The following GPR161 variants were observed in gnomAD, a reference collection of about 807,000 sequenced individuals.
GPR161 encodes the protein G protein-coupled receptor 161.
A neutral mutation model predicts 39.2 loss-of-function variants in GPR161; 25 were observed. The observed-to-expected ratio is 0.64, with a 90% CI of 0.47 to 0.89. GPR161 has a LOEUF of 0.89. Ranked by LOEUF, GPR161 falls within the 40% of genes least tolerant of loss-of-function variation. The pLI is 0.00. For synonymous variants in GPR161, 286 were observed against 276.6 expected, an observed-to-expected ratio of 1.03 and a Z score of -0.34; for missense variants, 547 against 677.8, an observed-to-expected ratio of 0.81 and a Z score of 2.14.
intron 1 of GPR161, among the ~76,000 whole-genome samples, chr1:168,128,194 T>C (rs976224027): frequency 2.6e-5 from 4 of 152,208 alleles, no homozygotes; most frequent in African/African-American, 9.7e-5. Flanking sequence ...GCTGAAATGA[T>C]ATCAGTGAAA....
rs761496152 is a variant in GPR161, at chr1:168,090,682, T to C, written c.1100-14A>G. Reference sequence around the variant, plus strand: ...ACAGGCCCAGGTCTGAAAGACAAAATTGGCATTGACAACACAATCACACTC... The same window carrying C: ...ACAGGCCCAGGTCTGAAAGACAAAACTGGCATTGACAACACAATCACACTC... On this transcript the variant is annotated splice_polypyrimidine_tract_variant and intron_variant, in intron 3 of 5. Transcript: ENST00000682931. 6 of 1,522,356 alleles carry C rather than the reference T, an allele frequency of 3.9e-6. No individual in the cohort carries two copies. Among genetic ancestry groups the C allele is most frequent in the South Asian group, 3.4e-5 (3 of 88,110 alleles). 94.3% of individuals were successfully genotyped at this position (1,522,356 alleles called of 1,614,324 possible).
rs1455559567 is a variant in GPR161, at chr1:168,085,257, TTTTTTTTTGG to T, written c.*264_*273del. The T allele has an allele frequency of 8.3e-6, 4 of 482,784 alleles. No homozygotes were observed. In the African/African-American group the frequency reaches 8.3e-5, roughly 10 times the overall value. 29.9% of individuals were successfully genotyped at this position (482,784 alleles called of 1,614,324 possible). The stretch of plus-strand genomic sequence containing the variant: ...AAAAAGCCACAGCCACATCTCTAGA[TTTTTTTTTGG>T]TTTTTTTTTTGCTTTAGATGCTTCT... On this transcript the variant is annotated 3_prime_UTR_variant, in exon 6 of 6. Transcript: ENST00000682931.
At chr1:168,112,612 C>G (rs1303424071) in intron 1 of GPR161, among the ~76,000 whole-genome samples, 1 of 151,342 alleles carries the variant, frequency 6.6e-6, no homozygotes. Flanking sequence ...AATTCCAGCA[C>G]TTTGTGGGCC....
At chr1:168,091,489 C>G (rs937304043) in intron 3 of GPR161, among the ~76,000 whole-genome samples, 9 of 152,204 alleles carry the variant, frequency 5.9e-5, no homozygotes, top group African/African-American at 2.2e-4. Flanking sequence ...CACTGAGAGT[C>G]AGGTGCCTGT....
chr1:168,134,307 A>G (rs4540637), intron 1 of GPR161, among the ~76,000 whole-genome samples: 88,450 of 152,080 alleles, frequency 0.58, 27,111 homozygotes, highest in African/African-American at 0.77. Flanking sequence ...CATGAATGCT[A>G]TCCTCTCCCC....
chr1:168,132,116 T>G (rs1699035623), intron 1 of GPR161, among the ~76,000 whole-genome samples: 1 of 151,838 alleles, frequency 6.6e-6, no homozygotes. Context: ...AATACAAAAA[T>G]TAGCCAGGTG....
chr1:168,121,595 A>T (rs933652340), intron 1 of GPR161, among the ~76,000 whole-genome samples: 1 of 152,172 alleles, frequency 6.6e-6, no homozygotes, highest in African/African-American at 2.4e-5. Context: ...CACTCAGGGG[A>T]GAGTCTCAGG....
At chr1:168,119,227 CGTATAT>C (rs1238171101) in intron 1 of GPR161, among the ~76,000 whole-genome samples, 10 of 97,818 alleles carry the variant, frequency 1.0e-4, no homozygotes, top group African/African-American at 3.3e-4. Context: ...TATATATATA[CGTATAT>C]ATATATATAC....
chr1:168,087,438 C>T, intron 5 of GPR161, 147 bp downstream of exon 5: 1 of 937,608 alleles, frequency 1.1e-6, no homozygotes, highest in South Asian at 1.5e-5. Context: ...CAGGTGAGAC[C>T]AACAGGGCTG....
intron 1 of GPR161, among the ~76,000 whole-genome samples, chr1:168,130,995 A>G (rs1558142745): frequency 6.6e-6 from 1 of 152,138 alleles, no homozygotes; most frequent in Non-Finnish European, 1.5e-5. Flanking sequence ...TGTATTAATG[A>G]ACATGTCTGA....
rs1039758934 is a variant in GPR161 at position 168,092,393 on chromosome 1, A to C, written c.1100-1725T>G. On this transcript the variant is annotated intron_variant, in intron 3 of 5. Coordinates refer to ENST00000682931, the MANE Select transcript of GPR161 (RefSeq NM_001375883.1). ...TGGGAGGAATGGTCTGAGCCAGGCC[A>C]ATGCGGCTCAGCTAAAAGGTCTGGA... Among the ~76,000 whole-genome samples the C allele has an allele frequency of 2.0e-5, 3 of 152,338 alleles. No individual in the cohort carries two copies. The East Asian group carries it at 5.8e-4, about 29-fold the overall frequency.
intron 1 of GPR161, among the ~76,000 whole-genome samples, chr1:168,134,546 G>A (rs754820969): frequency 7.9e-5 from 12 of 152,078 alleles, no homozygotes; most frequent in Non-Finnish European, 1.8e-4. Flanking sequence ...CTCCCCTGCT[G>A]TCATGCTTTA....
At chr1:168,125,622 C>CG (rs1278107584) in intron 1 of GPR161, among the ~76,000 whole-genome samples, 19 of 137,506 alleles carry the variant, frequency 1.4e-4, no homozygotes, top group African/African-American at 5.0e-4. Context: ...TGCTTCCCCC[C>CG]CCTTTTTTTT....
intron 1 of GPR161, among the ~76,000 whole-genome samples, chr1:168,116,751 T>C (rs1170039257): frequency 1.3e-5 from 2 of 152,210 alleles, no homozygotes; most frequent in Admixed American, 6.5e-5. Flanking sequence ...CAGGGGCGTG[T>C]ACCCACCCAG....
rs546911985 is a variant in GPR161, at chr1:168,110,660, A to T, written c.-44-5766T>A. Among the ~76,000 whole-genome samples, 18 of 151,858 alleles carry T rather than the reference A, an allele frequency of 1.2e-4. No individual in the cohort carries two copies. The South Asian group carries it at 3.7e-3, about 32-fold the overall frequency. On this transcript the variant is annotated intron_variant, in intron 1 of 5. Transcript: ENST00000682931. The stretch of plus-strand genomic sequence containing the variant: ...GAAAAGAAGCCGGGCGTGGTGACTC[A>T]CTCCCGTAATCCCAGCACTTTGGGA...
At chr1:168,114,515 G>A (rs559810111) in intron 1 of GPR161, 1 of 151,308 alleles carries the variant, frequency 6.6e-6, no homozygotes, top group African/African-American at 2.4e-5. Flanking sequence ...CAGGAGCCGA[G>A]ATCGCGCCAT....
Position 168,096,596 on chromosome 1 carries a change from G to A in GPR161, c.1011C>T (p.Gly337=), listed in dbSNP as rs754255769. The A allele has an allele frequency of 6.8e-6, 11 of 1,614,038 alleles. No homozygotes were observed. In the Admixed American group the frequency reaches 1.8e-4, roughly 27 times the overall value. Residue 337 remains glycine (G), a synonymous_variant, in exon 3 of 6, where the codon GGC becomes GGT. Transcript: ENST00000682931. ...GATAATACCGGTCCCCAAAGCACATGCCCAGTAGTTCTTTGCGAACTGTCT... is the reference window on the plus strand; with the variant it reads ...GATAATACCGGTCCCCAAAGCACATACCCAGTAGTTCTTTGCGAACTGTCT... ...WNKTVRKELL[G]MCFGDRYYRE...
chr1:168,137,117 T>C, upstream of GPR161: 1 of 1,012,142 alleles, frequency 9.9e-7, no homozygotes, highest in Non-Finnish European at 1.2e-6. Context: ...TTCTTTCCCA[T>C]TTCTTCCCAC....
At chr1:168,113,832 G>C (rs1697415003) in intron 1 of GPR161, among the ~76,000 whole-genome samples, 1 of 152,180 alleles carries the variant, frequency 6.6e-6, no homozygotes, top group Non-Finnish European at 1.5e-5. Context: ...CTTGAGAGTG[G>C]AGGGTGGGAG....
Sources: allele counts gnomAD v4.1 joint callset (sites outside exome capture counted in the v4.1 genomes callset), GRCh38; gene constraint gnomAD v4.1.1; transcripts MANE v1.5; gene names NCBI Gene and HGNC (gene_info 2026-07-23, HGNC 2026-07-21).